Variants in RARB observed in about 807,000 individuals in gnomAD.
RARB encodes the protein retinoic acid receptor beta.
A neutral mutation model predicts 51.9 loss-of-function variants in RARB; 17 were observed. That is an observed-to-expected ratio of 0.33 (90% CI 0.22 to 0.49). The LOEUF (loss-of-function observed/expected upper bound fraction) is 0.49. Among genes scored for constraint, RARB ranks in the 20% least tolerant of loss-of-function variants. The probability of loss-of-function intolerance (pLI) is 0.99; values close to 1 mark genes in which losing one functional copy is unlikely to be tolerated. For missense variants in RARB, 369 were observed against 550.8 expected (o/e 0.67, Z 3.30); for synonymous variants, 215 against 195.4 (o/e 1.10, Z -0.84).
intron 5 of RARB, among the ~76,000 whole-genome samples, chr3:25,385,641 T>TAA (rs142267360): frequency 0.041 from 6,197 of 152,112 alleles, 228 homozygotes; most frequent in African/African-American, 0.1. Context: ...CAATTGCATT[T>TAA]AAAATATATA....
chr3:25,476,391 TTAA>T (rs1695944558), intron 2 of RARB, among the ~76,000 whole-genome samples: 1 of 152,150 alleles, frequency 6.6e-6, no homozygotes, highest in African/African-American at 2.4e-5. Flanking sequence ...TTTGGGGCCC[TTAA>T]TAAGAGGTTT....
intron 5 of RARB, among the ~76,000 whole-genome samples, chr3:25,343,555 T>A (rs886947632): frequency 6.6e-6 from 1 of 151,958 alleles, no homozygotes; most frequent in African/African-American, 2.4e-5. Flanking sequence ...GAAAAAAAAA[T>A]TGGAAAAGGA....
chr3:25,012,272 T>A (rs932214687), intron 2 of RARB, among the ~76,000 whole-genome samples: 7 of 152,120 alleles, frequency 4.6e-5, no homozygotes, highest in African/African-American at 1.7e-4. Context: ...TAGGAAAGCT[T>A]TGATTTTTAA....
At chr3:25,548,553 A>C (rs1405814952) in intron 3 of RARB, among the ~76,000 whole-genome samples, 1 of 150,112 alleles carries the variant, frequency 6.7e-6, no homozygotes, top group Non-Finnish European at 1.5e-5. Context: ...TGTGATGCAC[A>C]TTCCAAGTCT....
intron 4 of RARB, among the ~76,000 whole-genome samples, chr3:25,156,665 A>G (rs1700380123): frequency 6.6e-6 from 1 of 152,042 alleles, no homozygotes. Context: ...TCTCGTTCCT[A>G]CAACACATTA....
intron 5 of RARB, among the ~76,000 whole-genome samples, chr3:25,176,764 T>C (rs140412819): frequency 3.8e-4 from 58 of 152,298 alleles, no homozygotes; most frequent in African/African-American, 1.2e-3. Context: ...ATATCATATC[T>C]AAGCCTCTTT....
intron 2 of RARB, among the ~76,000 whole-genome samples, chr3:25,494,253 G>GCGCACACACACACA (rs1553623183): frequency 9.1e-5 from 12 of 131,968 alleles, no homozygotes; most frequent in Admixed American, 2.2e-4. Flanking sequence ...TGTATCTTAC[G>GCGCACACACACACA]CACACACACA....
intron 1 of RARB, among the ~76,000 whole-genome samples, chr3:24,858,456 C>T (rs937986556): frequency 9.9e-5 from 15 of 152,232 alleles, no homozygotes; most frequent in Admixed American, 3.3e-4. Context: ...TCGTGTGATT[C>T]CCTCCTTGTG....
intron 2 of RARB, among the ~76,000 whole-genome samples, chr3:25,007,986 T>A (rs1046459998): frequency 2.0e-4 from 30 of 152,148 alleles, no homozygotes; most frequent in Non-Finnish European, 3.8e-4. Context: ...GTTGTGGGTA[T>A]GTTAAAATAA....
intron 3 of RARB, among the ~76,000 whole-genome samples, chr3:25,085,730 C>A (rs1404943339): frequency 6.6e-6 from 1 of 152,026 alleles, no homozygotes; most frequent in Non-Finnish European, 1.5e-5. Context: ...ATCTTGGGAC[C>A]CAGCCCCTCC....
intron 5 of RARB, among the ~76,000 whole-genome samples, chr3:25,382,142 C>T (rs1445005047): frequency 1.3e-5 from 2 of 152,080 alleles, no homozygotes; most frequent in African/African-American, 4.8e-5. Flanking sequence ...AGTCCAAAAG[C>T]ATATAATAGG....
At chr3:25,311,424 C>T (rs79910788) in intron 5 of RARB, among the ~76,000 whole-genome samples, 6,125 of 152,360 alleles carry the variant, frequency 0.04, 168 homozygotes, top group Middle Eastern at 0.068. Flanking sequence ...TTCATATCCT[C>T]CTCAAAGAGG....
intron 2 of RARB, among the ~76,000 whole-genome samples, chr3:24,953,236 A>G (rs1695938291): frequency 6.6e-6 from 1 of 152,180 alleles, no homozygotes; most frequent in Non-Finnish European, 1.5e-5. Flanking sequence ...TCCCTAGAAC[A>G]TTTGATAAAA....
intron 3 of RARB, among the ~76,000 whole-genome samples, chr3:25,077,340 G>A (rs778463362): frequency 1.3e-5 from 2 of 152,086 alleles, no homozygotes; most frequent in South Asian, 2.1e-4. Context: ...TGGATGGAAG[G>A]TTCTCTCATG....
At chr3:24,915,077 G>T (rs1427755857) in intron 2 of RARB, among the ~76,000 whole-genome samples, 3 of 152,178 alleles carry the variant, frequency 2.0e-5, no homozygotes, top group Non-Finnish European at 1.5e-5. Flanking sequence ...AGTGGTTAGT[G>T]GGGAGAGGAC....
At chr3:25,425,415 T>A (rs1373506669), upstream of RARB, among the ~76,000 whole-genome samples, 1 of 152,198 alleles carries the variant, frequency 6.6e-6, no homozygotes, top group African/African-American at 2.4e-5. Context: ...AAATCATGGG[T>A]CTGTTTTATA....
At chr3:25,287,243 T>A (rs1201244489) in intron 5 of RARB, among the ~76,000 whole-genome samples, 1 of 152,244 alleles carries the variant, frequency 6.6e-6, no homozygotes, top group Non-Finnish European at 1.5e-5. Context: ...CAGACACTAC[T>A]GCACTTATCC....
chr3:25,296,915 A>G (rs780148637), intron 5 of RARB, among the ~76,000 whole-genome samples: 4 of 152,178 alleles, frequency 2.6e-5, no homozygotes, highest in Non-Finnish European at 5.9e-5. Flanking sequence ...GAGTGAGAAG[A>G]TATGCCTTCA....
chr3:25,054,164 G>A (rs555113037), intron 2 of RARB, among the ~76,000 whole-genome samples: 4 of 152,232 alleles, frequency 2.6e-5, no homozygotes, highest in Admixed American at 2.6e-4. Context: ...AGTTTTATGT[G>A]TCTAAAATGT....
Sources: allele counts gnomAD v4.1 joint callset (sites outside exome capture counted in the v4.1 genomes callset), GRCh38; gene constraint gnomAD v4.1.1; transcripts MANE v1.5; gene names NCBI Gene and HGNC (gene_info 2026-07-23, HGNC 2026-07-21).